The following CCDC180 variants were observed in gnomAD, a reference collection of about 807,000 sequenced individuals.
CCDC180 encodes the protein coiled-coil domain containing 180.
In CCDC180, 154 loss-of-function variants were observed where a neutral mutation model predicts 209.2. That is an observed-to-expected ratio of 0.74 (90% CI 0.65 to 0.84). CCDC180 has a LOEUF of 0.84. CCDC180 is among the 40% of genes least tolerant of loss of function. The pLI is 0.00. For missense variants in CCDC180, 1,874 were observed against 1,997.3 expected, an observed-to-expected ratio of 0.94 and a Z score of 1.18; for synonymous variants, 778 against 749.1, an observed-to-expected ratio of 1.04 and a Z score of -0.63.
At chr9:97,307,900 G>A in intron 1 of CCDC180, 83 bp from the exon 2 acceptor site, 8 of 1,585,532 alleles carry the variant, frequency 5.0e-6, no homozygotes, top group Non-Finnish European at 6.9e-6. Flanking sequence ...GGGGAGTCCT[G>A]CCCTGGGGTG....
chr9:97,335,601 A>G (rs1825880254), intron 18 of CCDC180, among the ~76,000 whole-genome samples: 1 of 152,112 alleles, frequency 6.6e-6, no homozygotes. Context: ...GGTTGGTTTC[A>G]AGTCTTTGCT....
At chr9:97,316,677 T>C (rs528825397) in intron 8 of CCDC180, among the ~76,000 whole-genome samples, 1 of 152,340 alleles carries the variant, frequency 6.6e-6, no homozygotes, top group Admixed American at 6.5e-5. Context: ...AACAACCATA[T>C]GTGGCTCGTC....
In CCDC180 at chr9:97,376,768, T is replaced by G. The variant is rs145326711; in HGVS notation, c.4848T>G (p.Tyr1616Ter). The change falls in exon 37 of 37, where the codon TAT (tyrosine) becomes TAG (stop). Residue 1616 changes from tyrosine to a stop codon, truncating the protein, a stop_gained. Transcript: ENST00000529487. LOFTEE classifies it low-confidence loss of function (END_TRUNC). ...TCCTGCTACCTTCCTTCTAGAAATA[T>G]TTAGCATCATTTGAGGAGGAGCTAA... Reference protein sequence around the residue: ...VEARDAVYLKYLASFEEELKR... With the variant: ...VEARDAVYLK The G allele has an allele frequency of 8.2e-5, 133 of 1,612,910 alleles. No homozygotes were observed. The highest frequency in any genetic ancestry group is 1.1e-4 in the Non-Finnish European group (126 of 1,179,724).
At position 97,365,686 on chromosome 9, in the gene CCDC180, A is replaced by G. The variant is rs936342643; in HGVS notation, c.3994A>G (p.Ile1332Val). 3.1e-6 allele frequency: 5 copies of G among 1,613,824 alleles called. No individual in the cohort carries two copies. The highest frequency in any genetic ancestry group is 2.7e-5 in the African/African-American group (2 of 74,838). Residue 1332 changes from isoleucine (I) to valine (V), a missense_variant, in exon 30 of 37, where the codon ATC (isoleucine) becomes GTC (valine). Physicochemically the swap from Ile to Val is conservative, Grantham distance 29. Coordinates refer to ENST00000529487, the MANE Select transcript of CCDC180 (RefSeq NM_020893.6). ...PPPAAEDFKG[I>V]ILTLLWESSE... The stretch of plus-strand genomic sequence containing the variant: ...TGTGTGTTGCAGGGATTTTAAGGGG[A>G]TCATCTTGACCCTCCTCTGGGAGAG...
At position 97,366,505 on chromosome 9, in the gene CCDC180, A is replaced by G; in HGVS notation, c.4048-54A>G. On this transcript the variant is annotated intron_variant, in intron 30 of 36. Coordinates refer to ENST00000529487, the MANE Select transcript of CCDC180 (RefSeq NM_020893.6). The surrounding 1 kb of genome is among the most constrained non-coding windows in gnomAD (Gnocchi z 4.3). ...GGGCAGGCTGGTGGATCCCAGGAGC[A>G]AGGGCCAGAGTCCCATGGAGTCCTC... 6.3e-7 allele frequency: 1 copy of G among 1,581,742 alleles called. No individual in the cohort carries two copies. The highest frequency in any genetic ancestry group is 2.2e-5 in the East Asian group (1 of 44,530).
intron 25 of CCDC180, 118 bp downstream of exon 25, chr9:97,357,843 G>A: frequency 2.6e-6 from 2 of 755,574 alleles, no homozygotes; most frequent in Non-Finnish European, 4.3e-6. Context: ...TGGCGGGGTG[G>A]GGGGACATCT....
intron 22 of CCDC180, among the ~76,000 whole-genome samples, chr9:97,354,071 C>T (rs1046231311): frequency 6.7e-6 from 1 of 150,058 alleles, no homozygotes; most frequent in East Asian, 2.0e-4. Context: ...AATCTCGGCT[C>T]ACTGCAACCT....
chr9:97,310,429 T>C (rs1832945142), intron 3 of CCDC180, among the ~76,000 whole-genome samples: 1 of 152,110 alleles, frequency 6.6e-6, no homozygotes. Context: ...GGGTCAGGCA[T>C]GGAGATCAGG....
intron 16 of CCDC180, among the ~76,000 whole-genome samples, chr9:97,328,590 C>T (rs1406830779): frequency 6.6e-6 from 1 of 152,164 alleles, no homozygotes; most frequent in East Asian, 1.9e-4. Context: ...CCAGCAGACT[C>T]ATCCCTCTTC....
At chr9:97,347,584 G>A in intron 20 of CCDC180, 95 bp downstream of exon 20, 1 of 1,210,220 alleles carries the variant, frequency 8.3e-7, no homozygotes, top group Non-Finnish European at 1.1e-6. Context: ...GCCCCAGTTT[G>A]TACCATGCAA....
At chr9:97,343,207 A>C in intron 18 of CCDC180, 133 bp from the exon 19 acceptor site, 1 of 579,142 alleles carries the variant, frequency 1.7e-6, no homozygotes. Context: ...GGGCGAAAAA[A>C]CCTAGGCAAG....
chr9:97,313,757 G>GC (rs1364394280), intron 5 of CCDC180, among the ~76,000 whole-genome samples: 1 of 152,156 alleles, frequency 6.6e-6, no homozygotes, highest in Non-Finnish European at 1.5e-5. Flanking sequence ...CTTATGGACT[G>GC]CCCCCCATTC....
At position 97,366,661 on chromosome 9, in the gene CCDC180, CAG is replaced by C. The variant is rs1235886303; in HGVS notation, c.4153_4154del (p.Ser1385ProfsTer4). The C allele has an allele frequency of 6.2e-7, 1 of 1,614,166 alleles. No homozygotes were observed. Among genetic ancestry groups the C allele is most frequent in the Non-Finnish European group, 8.5e-7 (1 of 1,180,010 alleles). On this transcript the variant is annotated frameshift_variant, in exon 31 of 37. Transcript: ENST00000529487. LOFTEE classifies it high-confidence loss of function. This position sits in a 1 kb window ranked among gnomAD's most constrained non-coding sequence, Gnocchi z 4.3. ...ENISKKILEY[Q>X]SQANKYHNSC... ...CATTAGCAAAAAGATCCTGGAGTAT[CAG>C]AGCCAGGCAAATAAGTACCACAACT... is the stretch of plus-strand genomic sequence containing the variant.
intron 18 of CCDC180, among the ~76,000 whole-genome samples, chr9:97,333,712 T>C (rs1825820307): frequency 6.6e-6 from 1 of 151,918 alleles, no homozygotes; most frequent in South Asian, 2.1e-4. Context: ...GTTGGAGTTT[T>C]TTTTTGTATT....
chr9:97,308,110 AC>A lies in CCDC180; in HGVS notation c.49del (p.Gln17SerfsTer26). On this transcript the variant is annotated frameshift_variant, in exon 2 of 37. Transcript: ENST00000529487. LOFTEE classifies it high-confidence loss of function. Reference sequence around the variant, plus strand: ...ACCCAGGTTCCGAATGGGAAAGCCTACCAGCAGATCTTCCAGGCTGAGGTAG... The same window carrying A: ...ACCCAGGTTCCGAATGGGAAAGCCTACAGCAGATCTTCCAGGCTGAGGTAG... ...KVTQVPNGKA[Y>X]QQIFQAEVQL... is the part of the protein sequence containing the mutation. The A allele has an allele frequency of 6.2e-7, 1 of 1,609,312 alleles. No individual in the cohort carries two copies. The highest frequency in any genetic ancestry group is 8.5e-7 in the Non-Finnish European group (1 of 1,177,774).
chr9:97,320,137 C>T lies in CCDC180; in HGVS notation c.1091C>T (p.Pro364Leu), dbSNP rs772904361. 1 of 1,614,024 alleles carries T rather than the reference C, an allele frequency of 6.2e-7. No individual in the cohort carries two copies. Residue 364 changes from proline to leucine, a missense_variant, in exon 11 of 37, where the codon CCC becomes CTC. Transcript: ENST00000529487. ...KHLCTICDLL[P>L]PSYSKTQLTE... The stretch of plus-strand genomic sequence containing the variant: ...ATCTTCCTTCCCAGTGACCTCCTGC[C>T]CCCCAGTTACAGCAAAACTCAGCTG...
intron 9 of CCDC180, among the ~76,000 whole-genome samples, chr9:97,318,249 A>G (rs999004139): frequency 6.6e-6 from 1 of 152,068 alleles, no homozygotes; most frequent in African/African-American, 2.4e-5. Flanking sequence ...TCTTTCCTCC[A>G]TTCCTCTGTC....
intron 16 of CCDC180, among the ~76,000 whole-genome samples, chr9:97,329,941 G>A (rs1375857418): frequency 2.0e-5 from 3 of 151,892 alleles, no homozygotes; most frequent in Admixed American, 2.0e-4. Flanking sequence ...GGTGGCTGGC[G>A]CCTATAGTCC....
Position 97,355,275 on chromosome 9 carries a change from C to G in CCDC180, c.3264+267C>G, listed in dbSNP as rs528282322. ...GCTCAAGAGATCCTCCAGCCTCAGT[C>G]CCACAAGTAGCTGGGACTATAGGCA... On this transcript the variant is annotated intron_variant, in intron 24 of 36. Coordinates refer to ENST00000529487, the MANE Select transcript of CCDC180 (RefSeq NM_020893.6). 1.3e-4 allele frequency among the ~76,000 whole-genome samples: 20 copies of G among 152,224 alleles called. No homozygotes were observed. The South Asian group carries it at 3.9e-3, about 30-fold the overall frequency.
Sources: gnomAD v4.1 joint callset for allele counts (sites outside exome capture counted in the v4.1 genomes callset) on GRCh38, gnomAD v4.1.1 for gene constraint, Gnocchi (gnomAD v3.1) non-coding constraint, MANE v1.5 for transcripts, NCBI Gene and HGNC (gene_info 2026-07-23, HGNC 2026-07-21) for gene names.